Variants in GALNTL6 observed in about 807,000 individuals in gnomAD.
GALNTL6 encodes the protein polypeptide N-acetylgalactosaminyltransferase like 6.
GALNTL6 carries 46 observed loss-of-function variants against 73.7 expected under a neutral mutation model. The ratio of observed to expected loss-of-function variants is 0.62; its 90% CI spans 0.49 to 0.80. The LOEUF is 0.80. Ranked by LOEUF, GALNTL6 falls within the 30% of genes least tolerant of loss-of-function variation. The pLI is 0.00. For missense variants in GALNTL6, 604 were observed against 755.0 expected (o/e 0.80, Z 2.34); for synonymous variants, 259 against 263.7 (o/e 0.98, Z 0.17).
In GALNTL6 at chr4:172,202,144, A is replaced by G. The variant is rs562529083; in HGVS notation, c.139-27512A>G. Among the ~76,000 whole-genome samples the G allele has an allele frequency of 1.5e-3, 231 of 152,342 alleles. 1 individual carries two copies. The highest frequency in any genetic ancestry group is 3.4e-3 in the Middle Eastern group (1 of 294). ...CTTACTTAAAGAGGTTGTGCTTCCT[A>G]TACTCACAGTTCCTCAAAGCATAAT... On this transcript the variant is annotated intron_variant, in intron 2 of 12. Transcript: ENST00000506823.
chr4:173,012,791 T>G (rs1347591278), intron 11 of GALNTL6, among the ~76,000 whole-genome samples: 6 of 152,192 alleles, frequency 3.9e-5, no homozygotes, highest in African/African-American at 1.2e-4. Flanking sequence ...GACTTTGGCT[T>G]CATTTATCTG....
chr4:172,585,231 C>CTA (rs1737356612), intron 5 of GALNTL6, among the ~76,000 whole-genome samples: 1 of 151,958 alleles, frequency 6.6e-6, no homozygotes, highest in Non-Finnish European at 1.5e-5. Context: ...ATTGTCTCTC[C>CTA]TACTAGACTT....
chr4:172,087,470 A>T (rs1038997671), intron 2 of GALNTL6, among the ~76,000 whole-genome samples: 1 of 150,346 alleles, frequency 6.7e-6, no homozygotes, highest in East Asian at 1.9e-4. Context: ...AAAAAAAACA[A>T]AAAAAACAAA....
chr4:171,895,280 C>T (rs1016920967), intron 2 of GALNTL6, among the ~76,000 whole-genome samples: 1 of 152,150 alleles, frequency 6.6e-6, no homozygotes, highest in Non-Finnish European at 1.5e-5. Context: ...GGAGTAGGGA[C>T]TGTTAGCAGT....
intron 7 of GALNTL6, among the ~76,000 whole-genome samples, chr4:172,864,291 T>C (rs573961438): frequency 6.6e-6 from 1 of 152,280 alleles, no homozygotes; most frequent in South Asian, 2.1e-4. Flanking sequence ...CCTTATCCCC[T>C]TCCTAAAAGC....
chr4:172,380,771 GTTTT>G (rs1215769690), intron 5 of GALNTL6, among the ~76,000 whole-genome samples: 1 of 152,018 alleles, frequency 6.6e-6, no homozygotes, highest in African/African-American at 2.4e-5. Context: ...CAATTGTTTT[GTTTT>G]GTTTATTACA....
chr4:172,579,991 G>C (rs1473244660), intron 5 of GALNTL6, among the ~76,000 whole-genome samples: 2 of 152,048 alleles, frequency 1.3e-5, no homozygotes, highest in African/African-American at 4.8e-5. Flanking sequence ...TATATGACCT[G>C]AAAAATCCTG....
intron 5 of GALNTL6, among the ~76,000 whole-genome samples, chr4:172,540,954 C>A (rs13146384): frequency 0.14 from 21,098 of 152,118 alleles, 1,853 homozygotes; most frequent in Non-Finnish European, 0.21. Flanking sequence ...CTAGGAAAGG[C>A]CTAGAAACGG....
intron 5 of GALNTL6, among the ~76,000 whole-genome samples, chr4:172,596,897 C>T (rs570352549): frequency 2.6e-5 from 4 of 152,082 alleles, no homozygotes; most frequent in Admixed American, 1.3e-4. Flanking sequence ...TAATTCTAGA[C>T]AAGGAGACAT....
chr4:172,738,269 C>G (rs931419461), intron 5 of GALNTL6, among the ~76,000 whole-genome samples: 1 of 152,162 alleles, frequency 6.6e-6, no homozygotes, highest in East Asian at 1.9e-4. Context: ...GGGGTGTCAT[C>G]CTTGTGAATG....
intron 2 of GALNTL6, among the ~76,000 whole-genome samples, chr4:172,146,954 T>C (rs1733942869): frequency 6.6e-6 from 1 of 152,220 alleles, no homozygotes. Flanking sequence ...AATATATTAA[T>C]AGAAAAATTA....
intron 5 of GALNTL6, among the ~76,000 whole-genome samples, chr4:172,547,554 C>T (rs932476613): frequency 3.3e-5 from 5 of 152,048 alleles, no homozygotes; most frequent in African/African-American, 1.2e-4. Flanking sequence ...CTTTTTTATA[C>T]CTGCAACACC....
At chr4:172,129,943 G>A (rs1474980072) in intron 2 of GALNTL6, among the ~76,000 whole-genome samples, 3 of 152,104 alleles carry the variant, frequency 2.0e-5, no homozygotes, top group African/African-American at 7.2e-5. Flanking sequence ...ATAACAAAGA[G>A]GAAGACATTC....
chr4:171,952,406 T>A (rs1738912362), intron 2 of GALNTL6, among the ~76,000 whole-genome samples: 1 of 151,882 alleles, frequency 6.6e-6, no homozygotes, highest in South Asian at 2.1e-4. Flanking sequence ...AAATAGAAAA[T>A]TTCAATATAT....
intron 5 of GALNTL6, chr4:172,379,906 A>G (rs1743215520): frequency 1.8e-6 from 1 of 557,532 alleles, no homozygotes; most frequent in African/African-American, 1.9e-5. Flanking sequence ...TCACCAAAGG[A>G]CTGAAGAAGT....
intron 8 of GALNTL6, among the ~76,000 whole-genome samples, chr4:172,911,631 T>C (rs1747208308): frequency 6.6e-6 from 1 of 152,180 alleles, no homozygotes; most frequent in Admixed American, 6.5e-5. Context: ...TTAAAATGAC[T>C]CTAAACTCAT....
intron 2 of GALNTL6, among the ~76,000 whole-genome samples, chr4:172,059,041 C>A (rs755962059): frequency 1.2e-4 from 18 of 152,146 alleles, no homozygotes; most frequent in Non-Finnish European, 2.5e-4. Flanking sequence ...AATTGAGAGA[C>A]AATCAATAAA....
intron 7 of GALNTL6, among the ~76,000 whole-genome samples, chr4:172,847,723 G>A (rs1743589659): frequency 6.6e-6 from 1 of 152,116 alleles, no homozygotes; most frequent in African/African-American, 2.4e-5. Context: ...TAACAAAGAA[G>A]ATGAACATTC....
chr4:172,172,469 T>G (rs1734861547), intron 2 of GALNTL6, among the ~76,000 whole-genome samples: 1 of 152,150 alleles, frequency 6.6e-6, no homozygotes, highest in Non-Finnish European at 1.5e-5. Context: ...AGTGCCGGGA[T>G]TATAGGCGTG....
Sources: allele counts gnomAD v4.1 joint callset (sites outside exome capture counted in the v4.1 genomes callset), GRCh38; gene constraint gnomAD v4.1.1; transcripts MANE v1.5; gene names NCBI Gene and HGNC (gene_info 2026-07-23, HGNC 2026-07-21).